The following CCDC25 variants were observed in gnomAD, a reference collection of about 807,000 sequenced individuals.
CCDC25 encodes coiled-coil domain containing 25, also known as coiled-coil domain-containing protein 25.
In CCDC25, 16 loss-of-function variants were observed where a neutral mutation model predicts 35.3. The observed-to-expected ratio is 0.45, with a 90% CI of 0.31 to 0.69. The LOEUF (loss-of-function observed/expected upper bound fraction) is 0.69. Ranked by LOEUF, CCDC25 falls within the 30% of genes least tolerant of loss-of-function variation. The pLI, the probability that CCDC25 is intolerant of heterozygous loss-of-function variation, is 0.06. For missense variants in CCDC25, 179 were observed against 250.7 expected (o/e 0.71, Z 1.93); for synonymous variants, 79 against 80.3 (o/e 0.98, Z 0.09).
At chr8:27,772,392 G>A (rs1804659444) in intron 1 of CCDC25, 121 bp downstream of exon 1, 1 of 947,582 alleles carries the variant, frequency 1.1e-6, no homozygotes. Context: ...GAGGCCGCGG[G>A]AAGAGGCACT....
chr8:27,755,967 A>G (rs921161378), intron 4 of CCDC25, among the ~76,000 whole-genome samples: 1 of 152,224 alleles, frequency 6.6e-6, no homozygotes, highest in African/African-American at 2.4e-5. Flanking sequence ...GCATTAATAG[A>G]AAGTTGGTGA....
intron 7 of CCDC25, among the ~76,000 whole-genome samples, chr8:27,741,792 G>A (rs1009424601): frequency 2.0e-5 from 3 of 152,200 alleles, no homozygotes; most frequent in African/African-American, 4.8e-5. Flanking sequence ...GTTAAGACAA[G>A]AAGGTCCATT....
intron 4 of CCDC25, 32 bp from the exon 5 acceptor site, chr8:27,752,619 T>C: frequency 6.7e-7 from 1 of 1,489,046 alleles, no homozygotes; most frequent in Non-Finnish European, 9.4e-7. Context: ...ATTGGTCCAC[T>C]ACCTCATTAT....
intron 1 of CCDC25, 132 bp downstream of exon 1, chr8:27,772,379 CGA>C: frequency 1.2e-6 from 1 of 827,500 alleles, no homozygotes; most frequent in Non-Finnish European, 2.0e-6. Flanking sequence ...GCTGGGGGAC[CGA>C]GAGGCCGCGG....
chr8:27,765,831 G>C (rs1165521174), intron 1 of CCDC25, among the ~76,000 whole-genome samples: 1 of 152,098 alleles, frequency 6.6e-6, no homozygotes, highest in Non-Finnish European at 1.5e-5. Flanking sequence ...ATCTACATTA[G>C]AATCATCTAA....
At chr8:27,741,572 G>A (rs1803440151) in intron 7 of CCDC25, among the ~76,000 whole-genome samples, 1 of 152,160 alleles carries the variant, frequency 6.6e-6, no homozygotes, top group Non-Finnish European at 1.5e-5. Flanking sequence ...CAGCTACTCA[G>A]GAGGCTGAGG....
At position 27,744,560 on chromosome 8, in the gene CCDC25, A is replaced by G. The variant is rs561042601; in HGVS notation, c.551+3517T>C. ...CTGGTCTCACCATTTCCTCTCCTAC[A>G]TGTTACTTCATTCATCCTGTAAGTC... On this transcript the variant is annotated intron_variant, in intron 7 of 8. Transcript: ENST00000356537. 3.9e-5 allele frequency among the ~76,000 whole-genome samples: 6 copies of G among 152,346 alleles called. No individual in the cohort carries two copies. In the South Asian group the frequency reaches 1.2e-3, roughly 32 times the overall value.
chr8:27,749,932 G>A (rs900747625), intron 5 of CCDC25, among the ~76,000 whole-genome samples: 1 of 152,160 alleles, frequency 6.6e-6, no homozygotes, highest in African/African-American at 2.4e-5. Flanking sequence ...TTTAAAAATT[G>A]ATGAATCTAA....
intron 1 of CCDC25, among the ~76,000 whole-genome samples, chr8:27,771,541 T>C (rs1804617134): frequency 1.3e-5 from 2 of 152,166 alleles, no homozygotes; most frequent in African/African-American, 2.4e-5. Flanking sequence ...CAAAACCTTA[T>C]TGTACTGTAC....
rs1240792363 is a variant in CCDC25, at chr8:27,734,108, T to G, written c.*2108A>C. On this transcript the variant is annotated 3_prime_UTR_variant, in exon 9 of 9. Transcript: ENST00000356537. ...CACTTATTCTGCTAATGTCAGTGCC[T>G]TTCAATAAACTTCTCAACATCTGTG... The G allele has an allele frequency of 6.6e-6, 1 of 152,260 alleles. No homozygotes were observed. The highest frequency in any genetic ancestry group is 1.5e-5 in the Non-Finnish European group (1 of 68,048). The allele number at this position is 152,260 out of a possible 1,614,324, so 9.4% of individuals were successfully genotyped here.
At chr8:27,752,188 C>T (rs1803834846) in intron 5 of CCDC25, among the ~76,000 whole-genome samples, 1 of 152,214 alleles carries the variant, frequency 6.6e-6, no homozygotes, top group African/African-American at 2.4e-5. Flanking sequence ...TAGCTATCAA[C>T]ATTGCCAAAT....
At chr8:27,766,552 C>T (rs1252324852) in intron 1 of CCDC25, among the ~76,000 whole-genome samples, 1 of 152,068 alleles carries the variant, frequency 6.6e-6, no homozygotes, top group Non-Finnish European at 1.5e-5. Flanking sequence ...CATTGTAGTA[C>T]CTTGATCAGG....
At position 27,736,066 on chromosome 8, in the gene CCDC25, T is replaced by G; in HGVS notation, c.*150A>C. 2.9e-6 allele frequency: 2 copies of G among 685,666 alleles called. No individual in the cohort carries two copies. The highest frequency in any genetic ancestry group is 4.6e-5 in the South Asian group (2 of 43,138). The allele number at this position is 685,666 out of a possible 1,614,324, so 42.5% of individuals were successfully genotyped here. On this transcript the variant is annotated 3_prime_UTR_variant, in exon 9 of 9. Transcript: ENST00000356537. Reference sequence around the variant, plus strand: ...TTTCTGTCAGCAAAAAAGGTACAATTTTTTTAAAACTTGAAAATCAATAAT... The same window carrying G: ...TTTCTGTCAGCAAAAAAGGTACAATGTTTTTAAAACTTGAAAATCAATAAT...
In CCDC25 at chr8:27,765,239, G is replaced by A. The variant is rs752485589; in HGVS notation, c.41C>T (p.Ala14Val). 6.7e-6 allele frequency: 10 copies of A among 1,491,846 alleles called. No individual in the cohort carries two copies. The South Asian group carries it at 1.1e-4, about 16-fold the overall frequency. The allele number at this position is 1,491,846 out of a possible 1,614,324, so 92.4% of individuals were successfully genotyped here. A position where few individuals can be genotyped will look rare whatever the true frequency, so the allele number is the denominator to read the frequency against. The change falls in exon 2 of 9, where the codon GCC becomes GTC. Residue 14 changes from alanine (A) to valine (V), a missense_variant. Transcript: ENST00000356537. ...ATCTTTTCCCATGTAAATAGTGTAG[G>A]CAGATGAATTAACTAAGATAAAACA... ...YFTSSSVNSS[A>V]YTIYMGKDKY...
At chr8:27,770,779 C>T (rs1435906699) in intron 1 of CCDC25, among the ~76,000 whole-genome samples, 1 of 151,806 alleles carries the variant, frequency 6.6e-6, no homozygotes, top group Non-Finnish European at 1.5e-5. Context: ...AAAAACTCAC[C>T]TTTAACAAGC....
intron 4 of CCDC25, among the ~76,000 whole-genome samples, chr8:27,755,381 A>G (rs1339880634): frequency 6.6e-6 from 1 of 152,266 alleles, no homozygotes; most frequent in Admixed American, 6.5e-5. Flanking sequence ...GTTACAGAAC[A>G]TATCTCAAAG....
At position 27,735,166 on chromosome 8, in the gene CCDC25, C is replaced by G. The variant is rs1423725203; in HGVS notation, c.*1050G>C. 6.6e-6 allele frequency: 1 copy of G among 152,568 alleles called. No individual in the cohort carries two copies. The highest frequency in any genetic ancestry group is 6.5e-5 in the Admixed American group (1 of 15,268). 9.5% of individuals were successfully genotyped at this position (152,568 alleles called of 1,614,324 possible). A position where few individuals can be genotyped will look rare whatever the true frequency, so the allele number is the denominator to read the frequency against. On this transcript the variant is annotated 3_prime_UTR_variant, in exon 9 of 9. Coordinates refer to ENST00000356537, the MANE Select transcript of CCDC25 (RefSeq NM_018246.3). The stretch of plus-strand genomic sequence containing the variant: ...CATCTCTAAAGTCATTTTCTATACC[C>G]TCTCAAAATTTGGCCAGTGAGTTTT...
At chr8:27,757,473 G>A (rs1405631501) in intron 3 of CCDC25, among the ~76,000 whole-genome samples, 1 of 152,120 alleles carries the variant, frequency 6.6e-6, no homozygotes, top group Non-Finnish European at 1.5e-5. Flanking sequence ...TCTTGGGTGA[G>A]CACTGCCCTT....
intron 4 of CCDC25, among the ~76,000 whole-genome samples, 164 bp from the exon 5 acceptor site, chr8:27,752,751 C>T (rs966119471): frequency 4.1e-5 from 6 of 145,112 alleles, no homozygotes; most frequent in East Asian, 2.0e-4. Context: ...GTGTGCATTA[C>T]GGGAATGTTT....
Sources: allele counts gnomAD v4.1 joint callset (sites outside exome capture counted in the v4.1 genomes callset), GRCh38; gene constraint gnomAD v4.1.1; transcripts MANE v1.5; gene names NCBI Gene and HGNC (gene_info 2026-07-23, HGNC 2026-07-21).